Variants in RAD52 observed in about 807,000 individuals in gnomAD.
RAD52 encodes the protein DNA repair protein RAD52 homolog.
RAD52 carries 47 observed loss-of-function variants against 55.5 expected under a neutral mutation model. That is an observed-to-expected ratio of 0.85 (90% CI 0.67 to 1.08). RAD52 has a LOEUF of 1.08. RAD52 is among the 50% of genes least tolerant of loss of function. RAD52 has a pLI of 0.00. For synonymous variants in RAD52, 184 were observed against 198.9 expected, an observed-to-expected ratio of 0.92 and a Z score of 0.63; for missense variants, 468 against 522.8, an observed-to-expected ratio of 0.90 and a Z score of 1.02.
chr12:971,823 C>T (rs1264318141), intron 1 of RAD52, among the ~76,000 whole-genome samples: 1 of 151,446 alleles, frequency 6.6e-6, no homozygotes, highest in Non-Finnish European at 1.5e-5. Flanking sequence ...TCTCGGCTCA[C>T]TGCAGGCTCC....
At chr12:973,761 G>A (rs1302236826) in intron 1 of RAD52, among the ~76,000 whole-genome samples, 1 of 147,204 alleles carries the variant, frequency 6.8e-6, no homozygotes, top group Admixed American at 6.8e-5. Context: ...TTACAGGCAT[G>A]AGCCACCACG....
intron 1 of RAD52, among the ~76,000 whole-genome samples, chr12:971,644 A>C (rs1958854336): frequency 6.6e-6 from 1 of 152,364 alleles, no homozygotes; most frequent in South Asian, 2.1e-4. Context: ...AAATTTTGCT[A>C]GTCTTTTCTA....
At chr12:948,128 T>G (rs2154119336) in intron 1 of RAD52, among the ~76,000 whole-genome samples, 1 of 151,888 alleles carries the variant, frequency 6.6e-6, no homozygotes, top group East Asian at 1.9e-4. Context: ...ATTCAGTTAT[T>G]TAAAAAATGA....
At chr12:918,392 CTT>C in intron 7 of RAD52, among the ~76,000 whole-genome samples, 1 of 151,918 alleles carries the variant, frequency 6.6e-6, no homozygotes, top group Non-Finnish European at 1.5e-5. Context: ...TGGTGGCTTT[CTT>C]TGTTTTTTGT....
rs570785806 is a variant in RAD52 at position 939,798 on chromosome 12, C to T, written c.-18-6722G>A. ...GAAGAGAGAAGAGGGCTGGGCGCAC[C>T]GGGCGCGGTGGCTCATGCCTGTAAT... On this transcript the variant is annotated intron_variant, in intron 1 of 11. Transcript: ENST00000358495. 4.6e-5 allele frequency among the ~76,000 whole-genome samples: 7 copies of T among 152,296 alleles called. No individual in the cohort carries two copies. The East Asian group carries it at 5.8e-4, about 13-fold the overall frequency.
At position 913,065 on chromosome 12, in the gene RAD52, GGCAAGGAGC is replaced by G. The variant is rs1565641272; in HGVS notation, c.*317_*325del. ...CCAAGTCTGGCCTATATTGCTTGAGGGCAAGGAGCCATTGGTGATTCCTAAAATGTCCAT... is the reference window on the plus strand; with the variant it reads ...CCAAGTCTGGCCTATATTGCTTGAGGCATTGGTGATTCCTAAAATGTCCAT... On this transcript the variant is annotated 3_prime_UTR_variant, in exon 12 of 12. Coordinates refer to ENST00000358495, the MANE Select transcript of RAD52 (RefSeq NM_134424.4). The G allele has an allele frequency of 2.2e-5, 2 of 91,332 alleles. No individual in the cohort carries two copies. Among genetic ancestry groups the G allele is most frequent in the Non-Finnish European group, 4.3e-5 (2 of 46,172 alleles). 5.7% of individuals were successfully genotyped at this position (91,332 alleles called of 1,614,324 possible). A position where few individuals can be genotyped will look rare whatever the true frequency, so the allele number is the denominator to read the frequency against.
intron 1 of RAD52, among the ~76,000 whole-genome samples, chr12:944,314 A>G (rs10849596): frequency 0.1 from 15,411 of 152,042 alleles, 933 homozygotes; most frequent in Middle Eastern, 0.22. Context: ...GAGGCTCAGG[A>G]GTTCAAGACA....
intron 6 of RAD52, among the ~76,000 whole-genome samples, chr12:925,779 G>A (rs1956999678): frequency 6.6e-6 from 1 of 152,096 alleles, no homozygotes. Context: ...AAAGATTACG[G>A]CGCCATTCAC....
upstream of RAD52, chr12:990,625 C>T (rs962693827): frequency 3.9e-5 from 6 of 152,246 alleles, no homozygotes; most frequent in Non-Finnish European, 5.9e-5. Context: ...CCCCGCGAGT[C>T]TCAGGTCAGA....
chr12:965,268 T>C (rs1213696168), intron 1 of RAD52, among the ~76,000 whole-genome samples: 5 of 152,066 alleles, frequency 3.3e-5, no homozygotes, highest in African/African-American at 1.2e-4. Context: ...TGAGCCACTG[T>C]GCCCGGCCAC....
chr12:990,898 C>G (rs1240460153), upstream of RAD52, among the ~76,000 whole-genome samples: 2 of 151,854 alleles, frequency 1.3e-5, no homozygotes, highest in African/African-American at 4.8e-5. Flanking sequence ...GCTCGCGGAG[C>G]CGACCCCGGC....
chr12:980,027 A>G (rs567630685), intron 1 of RAD52, among the ~76,000 whole-genome samples: 19 of 152,164 alleles, frequency 1.2e-4, no homozygotes, highest in African/African-American at 3.4e-4. Flanking sequence ...CGTCTCTATT[A>G]AAAATACGAA....
intron 7 of RAD52, among the ~76,000 whole-genome samples, chr12:919,137 T>C (rs749953537): frequency 6.6e-6 from 1 of 152,130 alleles, no homozygotes; most frequent in Admixed American, 6.5e-5. Context: ...TCTGATTCTC[T>C]ATCTGGGAGG....
At chr12:963,734 T>C (rs1037969029) in intron 1 of RAD52, among the ~76,000 whole-genome samples, 1 of 152,090 alleles carries the variant, frequency 6.6e-6, no homozygotes, top group African/African-American at 2.4e-5. Flanking sequence ...GTATGGATTA[T>C]GTACCAAATA....
intron 1 of RAD52, chr12:976,764 C>A (rs576582665): frequency 6.6e-6 from 1 of 152,298 alleles, no homozygotes; most frequent in African/African-American, 2.4e-5. Context: ...TTTTCAGCCA[C>A]TAAATTTTAG....
chr12:989,506 T>TA (rs2154122508), intron 1 of RAD52, among the ~76,000 whole-genome samples: 1 of 152,296 alleles, frequency 6.6e-6, no homozygotes, highest in Non-Finnish European at 1.5e-5. Flanking sequence ...ACGTAGGTTT[T>TA]AAAAAAGATA....
intron 1 of RAD52, among the ~76,000 whole-genome samples, chr12:972,601 C>G (rs1185498619): frequency 1.3e-5 from 2 of 150,360 alleles, no homozygotes; most frequent in South Asian, 4.2e-4. Context: ...CCCGTCTCTA[C>G]TAAATATACA....
In RAD52 at chr12:931,207, T is replaced by G. The variant is rs7303748; in HGVS notation, c.186+13A>C. 8.7e-6 allele frequency: 14 copies of G among 1,607,140 alleles called. No homozygotes were observed. Among genetic ancestry groups the G allele is most frequent in the African/African-American group, 1.3e-5 (1 of 74,704 alleles). ...TATGGATGCCTGCTTTCCAGGCACA[T>G]GAATTCTCCTACCTTCTGGCCTCCG... On this transcript the variant is annotated intron_variant, in intron 3 of 11. Coordinates refer to ENST00000358495, the MANE Select transcript of RAD52 (RefSeq NM_134424.4).
At chr12:986,030 G>T (rs889276591) in intron 1 of RAD52, among the ~76,000 whole-genome samples, 1 of 151,394 alleles carries the variant, frequency 6.6e-6, no homozygotes, top group African/African-American at 2.4e-5. Context: ...TGCCTCCCAG[G>T]TTCAAGTGAT....
Sources: allele counts gnomAD v4.1 joint callset (sites outside exome capture counted in the v4.1 genomes callset), GRCh38; gene constraint gnomAD v4.1.1; transcripts MANE v1.5; gene names NCBI Gene and HGNC (gene_info 2026-07-23, HGNC 2026-07-21).